LRP6: variants seen among roughly 807,000 people sequenced by gnomAD.
The protein encoded by LRP6 is low-density lipoprotein receptor-related protein 6.
In LRP6, 43 loss-of-function variants were observed where a neutral mutation model predicts 184.1. That is an observed-to-expected ratio of 0.23 (90% CI 0.18 to 0.30). LRP6 has a LOEUF of 0.30. LRP6 is among the 10% of genes least tolerant of loss of function. The pLI is 1.00. For missense variants in LRP6, 1,571 were observed against 2,005.3 expected, an observed-to-expected ratio of 0.78 and a Z score of 4.14; for synonymous variants, 719 against 684.9, an observed-to-expected ratio of 1.05 and a Z score of -0.78.
At chr12:12,229,031 C>T (rs767875496) in intron 2 of LRP6, among the ~76,000 whole-genome samples, 4 of 152,172 alleles carry the variant, frequency 2.6e-5, no homozygotes, top group Non-Finnish European at 4.4e-5. Flanking sequence ...AAAACATTCT[C>T]AAGATCTGCT....
rs958372757 is a variant in LRP6 at position 12,203,274 on chromosome 12, T to C, written c.576A>G (p.Glu192=). Residue 192 remains glutamate (E), a synonymous_variant, in exon 3 of 23, where the codon GAA becomes GAG. Transcript: ENST00000261349. ...CATCTGCCCAATAAAGCTTTTGTTC[T>C]TCATAATCCAAAGTCAGTCCATTTG... ...YWPNGLTLDY[E]EQKLYWADAK... is the part of the protein sequence containing the mutation. 11 of 1,613,932 alleles carry C rather than the reference T, an allele frequency of 6.8e-6. No individual in the cohort carries two copies. The East Asian group carries it at 2.5e-4, about 36-fold the overall frequency.
At chr12:12,258,727 C>A (rs754839781) in intron 1 of LRP6, among the ~76,000 whole-genome samples, 10 of 152,208 alleles carry the variant, frequency 6.6e-5, no homozygotes, top group Non-Finnish European at 1.2e-4. Context: ...CTTTCTCAGA[C>A]TTGCAAAACA....
chr12:12,140,254 A>G (rs1386097854), intron 15 of LRP6, among the ~76,000 whole-genome samples: 4 of 152,070 alleles, frequency 2.6e-5, no homozygotes, highest in Non-Finnish European at 5.9e-5. Flanking sequence ...GAGCATTTGG[A>G]GAACAAAAAA....
chr12:12,200,561 T>C (rs1399087585), intron 3 of LRP6, among the ~76,000 whole-genome samples: 4 of 152,238 alleles, frequency 2.6e-5, no homozygotes, highest in African/African-American at 9.6e-5. Context: ...GTCTTCTTTC[T>C]TGGGGCAGCC....
chr12:12,130,799 T>G lies in LRP6; in HGVS notation c.4065A>C (p.Ser1355=). The G allele has an allele frequency of 6.2e-7, 1 of 1,610,930 alleles. No individual in the cohort carries two copies. The highest frequency in any genetic ancestry group is 1.1e-5 in the South Asian group (1 of 90,978). The part of the protein sequence containing the change: ...CDHNVDCSDK[S]DELDCYPTEE... Reference sequence around the variant, plus strand: ...CCTACTTACAACAATCCAGTTCATCTGACTTGTCACTGCAATCCACATTAT... The same window carrying G: ...CCTACTTACAACAATCCAGTTCATCGGACTTGTCACTGCAATCCACATTAT... The change falls in exon 19 of 23, where the codon TCA becomes TCC. Residue 1355 remains serine (S), a synonymous_variant. Coordinates refer to ENST00000261349, the MANE Select transcript of LRP6 (RefSeq NM_002336.3).
intron 12 of LRP6, 77 bp downstream of exon 12, chr12:12,158,751 GA>G (rs1195522507): frequency 1.4e-6 from 2 of 1,439,042 alleles, no homozygotes; most frequent in African/African-American, 1.4e-5. Context: ...TTTAACTTTA[GA>G]AAAAACACAC....
At chr12:12,224,482 AAC>A (rs1864564828) in intron 2 of LRP6, among the ~76,000 whole-genome samples, 1 of 152,166 alleles carries the variant, frequency 6.6e-6, no homozygotes, top group African/African-American at 2.4e-5. Context: ...CAAGATTACT[AAC>A]AGTTGTCTGC....
At chr12:12,187,938 G>A (rs1039029346) in intron 3 of LRP6, among the ~76,000 whole-genome samples, 2 of 152,180 alleles carry the variant, frequency 1.3e-5, no homozygotes, top group Non-Finnish European at 1.5e-5. Context: ...AGGGCCGGGC[G>A]CAGTGGCTCA....
At chr12:12,142,095 G>C (rs896354107) in intron 15 of LRP6, among the ~76,000 whole-genome samples, 3 of 152,204 alleles carry the variant, frequency 2.0e-5, no homozygotes, top group Admixed American at 2.0e-4. Context: ...TTTAAAATAA[G>C]TGAAAATAGT....
intron 2 of LRP6, among the ~76,000 whole-genome samples, chr12:12,234,127 A>T (rs1044247957): frequency 1.3e-5 from 2 of 152,114 alleles, no homozygotes; most frequent in Admixed American, 6.5e-5. Flanking sequence ...GTCTCTACTA[A>T]AAATACAAAA....
At chr12:12,142,833 T>C (rs1362187767) in intron 15 of LRP6, among the ~76,000 whole-genome samples, 2 of 152,160 alleles carry the variant, frequency 1.3e-5, no homozygotes, top group South Asian at 2.1e-4. Flanking sequence ...ACAAAGGTTA[T>C]CTACAGAAAA....
chr12:12,154,622 C>T (rs993337294), intron 12 of LRP6, among the ~76,000 whole-genome samples: 15 of 152,042 alleles, frequency 9.9e-5, no homozygotes, highest in Admixed American at 9.8e-4. Flanking sequence ...TCCAGCAACT[C>T]GGAAGATTGA....
intron 2 of LRP6, among the ~76,000 whole-genome samples, chr12:12,224,144 A>G (rs917282938): frequency 6.6e-6 from 1 of 152,138 alleles, no homozygotes; most frequent in East Asian, 1.9e-4. Flanking sequence ...TTCTGTCTCA[A>G]TCTGCATTCC....
rs1949581906 is a variant in LRP6, at chr12:12,120,027, ATATATATATATATAT to A, written c.*1084_*1098del. The A allele has an allele frequency of 8.5e-5, 10 of 117,352 alleles. No homozygotes were observed. The highest frequency in any genetic ancestry group is 2.8e-4 in the African/African-American group (9 of 32,566). The allele number at this position is 117,352 out of a possible 1,614,324, so 7.3% of individuals were successfully genotyped here. On this transcript the variant is annotated 3_prime_UTR_variant, in exon 23 of 23. Transcript: ENST00000261349. The stretch of plus-strand genomic sequence containing the variant: ...TATATATATATATATATATATATAT[ATATATATATATATAT>A]AAATGATTTCGTACTGTGATATATG...
Position 12,178,761 on chromosome 12 carries a change from T to G in LRP6, c.1545+1049A>C, listed in dbSNP as rs994888925. Reference sequence around the variant, plus strand: ...ATGGAGTCTATGCAAAATTTTCTATTAATGAAAACCAGCTGCAAGAACAAC... The same window carrying G: ...ATGGAGTCTATGCAAAATTTTCTATGAATGAAAACCAGCTGCAAGAACAAC... On this transcript the variant is annotated intron_variant, in intron 7 of 22. Coordinates refer to ENST00000261349, the MANE Select transcript of LRP6 (RefSeq NM_002336.3). Among the ~76,000 whole-genome samples, 107 of 152,206 alleles carry G rather than the reference T, an allele frequency of 7.0e-4. 1 individual carries two copies. Among genetic ancestry groups the G allele is most frequent in the African/African-American group, 2.5e-3 (104 of 41,462 alleles).
intron 1 of LRP6, among the ~76,000 whole-genome samples, chr12:12,262,514 C>G (rs1394406922): frequency 1.3e-5 from 2 of 149,478 alleles, no homozygotes; most frequent in Non-Finnish European, 3.0e-5. Flanking sequence ...GCCAAGATCG[C>G]GGCACTGCAC....
Position 12,203,289 on chromosome 12 carries a change from C to T in LRP6, c.561G>A (p.Leu187=), listed in dbSNP as rs766624379. ...INSEIYWPNG[L]TLDYEEQKLY... ...GCTTTTGTTCTTCATAATCCAAAGTCAGTCCATTTGGCCAGTAAATTTCAC... is the reference window on the plus strand; with the variant it reads ...GCTTTTGTTCTTCATAATCCAAAGTTAGTCCATTTGGCCAGTAAATTTCAC... The change falls in exon 3 of 23, where the codon CTG becomes CTA. Residue 187 remains leucine (L), a synonymous_variant. Coordinates refer to ENST00000261349, the MANE Select transcript of LRP6 (RefSeq NM_002336.3). 5 of 1,613,876 alleles carry T rather than the reference C, an allele frequency of 3.1e-6. No individual in the cohort carries two copies. In the Admixed American group the frequency reaches 8.3e-5, roughly 27 times the overall value.
At chr12:12,160,032 T>C in intron 10 of LRP6, 68 bp from the exon 11 acceptor site, 2 of 1,142,298 alleles carry the variant, frequency 1.8e-6, no homozygotes, top group Non-Finnish European at 2.5e-6. Flanking sequence ...GTCATATTCA[T>C]GCAAAGTAAC....
At chr12:12,156,627 A>T (rs1191529709) in intron 12 of LRP6, among the ~76,000 whole-genome samples, 1 of 152,220 alleles carries the variant, frequency 6.6e-6, no homozygotes, top group Non-Finnish European at 1.5e-5. Context: ...TTTCACCATT[A>T]CTTCCCTGAA....
Sources: allele counts gnomAD v4.1 joint callset (sites outside exome capture counted in the v4.1 genomes callset), GRCh38; gene constraint gnomAD v4.1.1; transcripts MANE v1.5; gene names NCBI Gene and HGNC (gene_info 2026-07-23, HGNC 2026-07-21).